The following BCAS1 variants were observed in gnomAD, a reference collection of about 807,000 sequenced individuals.
BCAS1 encodes breast carcinoma-amplified sequence 1.
In BCAS1, 46 loss-of-function variants were observed where a neutral mutation model predicts 65.4. That is an observed-to-expected ratio of 0.70 (90% confidence interval 0.55 to 0.90). The LOEUF (loss-of-function observed/expected upper bound fraction) is 0.90, where lower values mean the gene tolerates loss of function less well. BCAS1 is among the 40% of genes least tolerant of loss of function. The pLI is 0.00. For missense variants in BCAS1, 793 were observed against 771.2 expected (o/e 1.03, Z -0.33); for synonymous variants, 298 against 293.5 (o/e 1.02, Z -0.16).
intron 8 of BCAS1, among the ~76,000 whole-genome samples, chr20:53,982,337 A>G (rs1037122001): frequency 4.6e-5 from 7 of 152,232 alleles, no homozygotes; most frequent in Admixed American, 6.5e-5. Flanking sequence ...AGTTAACTGC[A>G]TTTTAAACAC....
At chr20:53,948,356 AT>A (rs143890386) in intron 12 of BCAS1, among the ~76,000 whole-genome samples, 15,244 of 152,260 alleles carry the variant, frequency 0.1, 883 homozygotes, top group South Asian at 0.16. Context: ...TTCTTCATTT[AT>A]TAAAAAAAAA....
At chr20:53,972,557 T>C (rs774188812) in intron 9 of BCAS1, among the ~76,000 whole-genome samples, 4 of 152,254 alleles carry the variant, frequency 2.6e-5, no homozygotes, top group African/African-American at 7.2e-5. Context: ...GGAATTAGCA[T>C]GGCTGTGTTC....
chr20:54,011,890 C>A (rs2091328679), intron 4 of BCAS1, among the ~76,000 whole-genome samples: 1 of 152,080 alleles, frequency 6.6e-6, no homozygotes, highest in Non-Finnish European at 1.5e-5. Context: ...ATAAAACATG[C>A]AACTATAGTG....
chr20:54,020,011 C>T lies in BCAS1; in HGVS notation c.723+8381G>A, dbSNP rs115743197. 3.0e-3 allele frequency among the ~76,000 whole-genome samples: 451 copies of T among 152,328 alleles called. 2 individuals are homozygous for T. The highest frequency in any genetic ancestry group is 0.01 in the African/African-American group (432 of 41,562). The stretch of plus-strand genomic sequence containing the variant: ...CTTAATAAACTCCCTTTCACATATA[C>T]GTCTATCCTATTAGTTCTGTCCCTT... On this transcript the variant is annotated intron_variant, in intron 4 of 12. Coordinates refer to ENST00000688948, the MANE Select transcript of BCAS1 (RefSeq NM_001366298.2).
chr20:53,992,063 T>C (rs1885943753), intron 7 of BCAS1, among the ~76,000 whole-genome samples: 1 of 152,194 alleles, frequency 6.6e-6, no homozygotes, highest in Admixed American at 6.5e-5. Flanking sequence ...GTAGCTAGAA[T>C]GTAATGTCTT....
intron 1 of BCAS1, among the ~76,000 whole-genome samples, chr20:54,060,098 G>A (rs1440820405): frequency 6.6e-6 from 1 of 152,226 alleles, no homozygotes; most frequent in Non-Finnish European, 1.5e-5. Flanking sequence ...TATGACCACA[G>A]ACTCTAGAGC....
intron 8 of BCAS1, among the ~76,000 whole-genome samples, chr20:53,983,527 C>A (rs770313432): frequency 2.0e-5 from 3 of 152,228 alleles, no homozygotes; most frequent in Non-Finnish European, 4.4e-5. Flanking sequence ...GCCACTGGCA[C>A]ACCACCTATG....
intron 1 of BCAS1, among the ~76,000 whole-genome samples, chr20:54,067,223 A>C (rs569489562): frequency 1.2e-4 from 19 of 152,198 alleles, no homozygotes; most frequent in African/African-American, 3.9e-4. Context: ...AAAAATACAA[A>C]AATTAGCCAG....
At chr20:53,971,510 T>C (rs976455194) in intron 9 of BCAS1, among the ~76,000 whole-genome samples, 6 of 152,226 alleles carry the variant, frequency 3.9e-5, no homozygotes, top group African/African-American at 1.4e-4. Flanking sequence ...AGCATGTGAA[T>C]GCATTTCAGT....
chr20:54,049,336 C>T (rs907857781), intron 3 of BCAS1, among the ~76,000 whole-genome samples: 8 of 152,096 alleles, frequency 5.3e-5, no homozygotes, highest in East Asian at 3.8e-4. Context: ...TGGAAAATGA[C>T]GTGTCCTGGC....
At chr20:53,965,203 G>A (rs1406461217) in intron 10 of BCAS1, among the ~76,000 whole-genome samples, 2 of 152,172 alleles carry the variant, frequency 1.3e-5, no homozygotes, top group African/African-American at 4.8e-5. Flanking sequence ...AATATAACAG[G>A]AAAAGAAAAT....
chr20:53,987,389 A>T (rs2090640919), intron 7 of BCAS1, among the ~76,000 whole-genome samples: 2 of 152,220 alleles, frequency 1.3e-5, no homozygotes, highest in Non-Finnish European at 2.9e-5. Flanking sequence ...AAGATTCTGC[A>T]TTACAAACGT....
At chr20:54,029,624 G>A (rs545356430) in intron 3 of BCAS1, among the ~76,000 whole-genome samples, 6 of 152,206 alleles carry the variant, frequency 3.9e-5, no homozygotes, top group Non-Finnish European at 8.8e-5. Context: ...GGTAAAAGGA[G>A]ACAGATAATA....
intron 1 of BCAS1, among the ~76,000 whole-genome samples, chr20:54,067,553 C>A (rs1429209412): frequency 6.6e-6 from 1 of 152,128 alleles, no homozygotes; most frequent in Non-Finnish European, 1.5e-5. Context: ...TGTTCTGATC[C>A]ATGAGTGAAT....
At chr20:54,058,589 AGTT>A in intron 2 of BCAS1, 55 bp downstream of exon 2, 1 of 1,440,144 alleles carries the variant, frequency 6.9e-7, no homozygotes, top group East Asian at 2.5e-5. Flanking sequence ...AAATACAGGA[AGTT>A]CTTTTTTTTT....
chr20:53,990,077 G>T (rs2090716658), intron 7 of BCAS1, among the ~76,000 whole-genome samples: 2 of 152,330 alleles, frequency 1.3e-5, no homozygotes, highest in African/African-American at 4.8e-5. Context: ...CACATTGGGT[G>T]TGGGAGAGAG....
intron 4 of BCAS1, among the ~76,000 whole-genome samples, chr20:54,012,339 C>T (rs886791921): frequency 6.6e-6 from 1 of 151,962 alleles, no homozygotes. Context: ...GTATCATTGT[C>T]AATATCCTGG....
chr20:53,947,956 G>A (rs1312324508), intron 12 of BCAS1, among the ~76,000 whole-genome samples: 1 of 152,130 alleles, frequency 6.6e-6, no homozygotes, highest in Admixed American at 6.5e-5. Flanking sequence ...TGCTAACCCT[G>A]TGACGTCAGC....
chr20:54,029,147 T>A, intron 3 of BCAS1, 175 bp from the exon 4 acceptor site: 1 of 985,430 alleles, frequency 1.0e-6, no homozygotes, highest in Non-Finnish European at 1.2e-6. Flanking sequence ...ACCCTGCTTT[T>A]CTTGGGAGAG....
Sources: gnomAD v4.1 joint callset for allele counts (sites outside exome capture counted in the v4.1 genomes callset) on GRCh38, gnomAD v4.1.1 for gene constraint, MANE v1.5 for transcripts, NCBI Gene and HGNC (gene_info 2026-07-23, HGNC 2026-07-21) for gene names.